Variants in EYS observed in about 807,000 individuals in gnomAD.
EYS encodes EGF-like photoreceptor maintenance factor.
Under a neutral mutation model 282.1 loss-of-function variants are expected in EYS, and 250 were observed. The ratio of observed to expected loss-of-function variants is 0.89; its 90% confidence interval spans 0.80 to 0.98. EYS has a LOEUF of 0.98. Ranked by LOEUF, EYS falls within the 50% of genes least tolerant of loss-of-function variation. The pLI is 0.00. For missense variants in EYS, 4,016 were observed against 3,709.0 expected (o/e 1.08, Z -2.15); for synonymous variants, 1,355 against 1,282.9 (o/e 1.06, Z -1.20).
rs76522384 is a variant in EYS at position 64,085,650 on chromosome 6, C to T, written c.6425-3648G>A. ...CCTCATTTGTTTACAGTGTTATATC[C>T]TGTTGTGCAAAAGAAAGTTTATTTT... On this transcript the variant is annotated intron_variant, in intron 31 of 42. Transcript: ENST00000503581. Among the ~76,000 whole-genome samples the T allele has an allele frequency of 4.7e-3, 716 of 152,212 alleles. 2 individuals are homozygous for T. Among genetic ancestry groups the T allele is most frequent in the African/African-American group, 0.015 (637 of 41,536 alleles).
At chr6:64,396,348 G>A (rs1368628854) in intron 28 of EYS, among the ~76,000 whole-genome samples, 1 of 152,106 alleles carries the variant, frequency 6.6e-6, no homozygotes, top group East Asian at 1.9e-4. Context: ...AGAGTTCTAT[G>A]TTCAGTATAT....
chr6:65,061,943 G>C (rs1773586851), intron 12 of EYS, among the ~76,000 whole-genome samples: 1 of 151,474 alleles, frequency 6.6e-6, no homozygotes, highest in Admixed American at 6.6e-5. Flanking sequence ...ATTTTTTTGT[G>C]GTCTGTCCTA....
chr6:65,372,569 C>G (rs536323630), intron 8 of EYS, among the ~76,000 whole-genome samples: 1 of 151,650 alleles, frequency 6.6e-6, no homozygotes, highest in Non-Finnish European at 1.5e-5. Flanking sequence ...TTGCCATGAG[C>G]TCTTAATCTC....
rs1425475418 is a variant in EYS, at chr6:63,721,628, C to T, written c.8403G>A (p.Gly2801=). The change falls in exon 43 of 43, where the codon GGG becomes GGA. Residue 2801 remains glycine, a synonymous_variant. Coordinates refer to ENST00000503581, the MANE Select transcript of EYS (RefSeq NM_001142800.2). ...VGAEGYLDLD[G]INVTEKASTK... The stretch of plus-strand genomic sequence containing the variant: ...TGGAGGCCTTTTCTGTTACATTTAT[C>T]CCATCTAGATCCAGGTAGCCTTCTG... 1 of 1,551,196 alleles carries T rather than the reference C, an allele frequency of 6.4e-7. No individual in the cohort carries two copies. The highest frequency in any genetic ancestry group is 1.2e-5 in the South Asian group (1 of 84,046).
intron 26 of EYS, among the ~76,000 whole-genome samples, chr6:64,540,752 G>C (rs1397472403): frequency 6.6e-6 from 1 of 152,098 alleles, no homozygotes; most frequent in Non-Finnish European, 1.5e-5. Flanking sequence ...CCAAAGTGCT[G>C]GGATTACAGG....
intron 22 of EYS, among the ~76,000 whole-genome samples, chr6:64,712,676 A>G (rs1179347158): frequency 1.3e-5 from 2 of 152,220 alleles, no homozygotes; most frequent in Non-Finnish European, 2.9e-5. Flanking sequence ...AAACTTGCAA[A>G]CCACAAAGGC....
chr6:64,658,652 G>A (rs1473540180), intron 22 of EYS, among the ~76,000 whole-genome samples: 9 of 152,192 alleles, frequency 5.9e-5, no homozygotes, highest in Admixed American at 1.3e-4. Context: ...ATCAGCAGCG[G>A]AGGCTGCAGA....
chr6:63,951,405 C>A (rs148616374), intron 35 of EYS, among the ~76,000 whole-genome samples: 1 of 152,094 alleles, frequency 6.6e-6, no homozygotes, highest in Admixed American at 6.6e-5. Context: ...TTTTACACAT[C>A]GAACCCTCCC....
chr6:64,409,793 T>C (rs1457243065), intron 28 of EYS, among the ~76,000 whole-genome samples: 1 of 152,150 alleles, frequency 6.6e-6, no homozygotes, highest in South Asian at 2.1e-4. Flanking sequence ...TCAATTTATG[T>C]TGATAGGTCT....
intron 13 of EYS, among the ~76,000 whole-genome samples, chr6:65,041,992 C>T (rs559572336): frequency 4.6e-5 from 7 of 151,774 alleles, no homozygotes; most frequent in African/African-American, 1.7e-4. Flanking sequence ...CTATCTGTAA[C>T]AAACAACTGA....
At chr6:64,662,087 C>G (rs1562119830) in intron 22 of EYS, among the ~76,000 whole-genome samples, 2 of 151,760 alleles carry the variant, frequency 1.3e-5, no homozygotes, top group Non-Finnish European at 2.9e-5. Context: ...TTTGTAGGGA[C>G]ATGGATGAAG....
rs149351162 is a variant in EYS at position 65,628,622 on chromosome 6, G to C, written c.-333+11156C>G. On this transcript the variant is annotated intron_variant, in intron 2 of 42. Coordinates refer to ENST00000503581, the MANE Select transcript of EYS (RefSeq NM_001142800.2). ...ATCCCAGCAAGACCAGGAGCCCACC[G>C]GGAGGAACGAACAACTCCAGACGCG... Among the ~76,000 whole-genome samples the C allele has an allele frequency of 1.3e-3, 201 of 152,094 alleles. 4 individuals are homozygous for C. The highest frequency in any genetic ancestry group is 4.4e-3 in the African/African-American group (181 of 41,498).
intron 2 of EYS, among the ~76,000 whole-genome samples, chr6:65,590,055 G>T (rs1209320652): frequency 6.6e-6 from 1 of 152,086 alleles, no homozygotes; most frequent in Non-Finnish European, 1.5e-5. Context: ...AAGGATTACA[G>T]CACAATACTA....
At chr6:63,778,371 ACAG>A in intron 39 of EYS, 191 bp from the exon 40 acceptor site, 1 of 569,830 alleles carries the variant, frequency 1.8e-6, no homozygotes, top group South Asian at 2.1e-5. Flanking sequence ...ATATCATTTC[ACAG>A]CAGACAACTA....
At chr6:64,670,436 AATAAATAAATG>A (rs1183195644) in intron 22 of EYS, among the ~76,000 whole-genome samples, 1 of 141,776 alleles carries the variant, frequency 7.1e-6, no homozygotes, top group Non-Finnish European at 1.6e-5. Context: ...TAAATAAATA[AATAAATAAATG>A]AAAAAAAAAC....
At chr6:64,986,375 T>C (rs978482425) in intron 14 of EYS, among the ~76,000 whole-genome samples, 2 of 151,538 alleles carry the variant, frequency 1.3e-5, no homozygotes, top group African/African-American at 4.8e-5. Context: ...TGTATAAATA[T>C]CACTCACAGA....
intron 12 of EYS, among the ~76,000 whole-genome samples, chr6:65,268,028 T>A (rs1767804374): frequency 6.6e-6 from 1 of 151,884 alleles, no homozygotes; most frequent in Non-Finnish European, 1.5e-5. Flanking sequence ...ATGCACAGGA[T>A]AATTGCTAAT....
chr6:64,471,201 G>A (rs988134410), intron 26 of EYS, among the ~76,000 whole-genome samples: 5 of 152,154 alleles, frequency 3.3e-5, no homozygotes, highest in East Asian at 1.9e-4. Flanking sequence ...GTATGCCCAC[G>A]TTCCTTACTC....
At chr6:64,882,256 T>A (rs1404612044) in intron 19 of EYS, among the ~76,000 whole-genome samples, 1 of 151,766 alleles carries the variant, frequency 6.6e-6, no homozygotes, top group Admixed American at 6.6e-5. Context: ...ACTCCAAAAC[T>A]GATATAACTG....
Sources: gnomAD v4.1 joint callset for allele counts (sites outside exome capture counted in the v4.1 genomes callset) on GRCh38, gnomAD v4.1.1 for gene constraint, MANE v1.5 for transcripts, NCBI Gene and HGNC (gene_info 2026-07-23, HGNC 2026-07-21) for gene names.